Variants in MAGI1 observed in about 807,000 individuals in gnomAD.
MAGI1 encodes the protein membrane associated guanylate kinase, WW and PDZ domain containing 1, also known as membrane-associated guanylate kinase, WW and PDZ domain-containing protein 1.
MAGI1 carries 58 observed loss-of-function variants against 139.9 expected under a neutral mutation model. The observed-to-expected ratio is 0.41, with a 90% CI of 0.34 to 0.52. MAGI1 has a LOEUF of 0.52. MAGI1 is among the 20% of genes least tolerant of loss of function. The pLI is 0.12. For missense variants in MAGI1, 1,874 were observed against 1,901.6 expected (o/e 0.99, Z 0.27); for synonymous variants, 812 against 737.9 (o/e 1.10, Z -1.63).
At chr3:65,473,150 A>G (rs1397508090) in intron 4 of MAGI1, among the ~76,000 whole-genome samples, 2 of 152,194 alleles carry the variant, frequency 1.3e-5, no homozygotes, top group East Asian at 3.9e-4. Flanking sequence ...CAGCAGCAAA[A>G]GTACCTCTAT....
intron 1 of MAGI1, among the ~76,000 whole-genome samples, chr3:65,860,132 G>A (rs1470687364): frequency 1.3e-5 from 2 of 151,950 alleles, no homozygotes; most frequent in Admixed American, 1.3e-4. Flanking sequence ...CCCACCTCAG[G>A]TGATCCACCT....
intron 12 of MAGI1, among the ~76,000 whole-genome samples, chr3:65,413,564 A>G (rs1263826668): frequency 1.3e-5 from 2 of 152,180 alleles, no homozygotes; most frequent in African/African-American, 4.8e-5. Context: ...GAGTATCTGA[A>G]CTGGTCTAAG....
intron 1 of MAGI1, among the ~76,000 whole-genome samples, chr3:65,971,371 C>A (rs1425682664): frequency 6.6e-6 from 1 of 152,088 alleles, no homozygotes; most frequent in African/African-American, 2.4e-5. Context: ...AGAAAACAAA[C>A]CCTGGCACCT....
intron 1 of MAGI1, among the ~76,000 whole-genome samples, chr3:65,941,273 G>C (rs2063301556): frequency 6.6e-6 from 1 of 152,024 alleles, no homozygotes; most frequent in African/African-American, 2.4e-5. Context: ...CTTGAACCCA[G>C]GAGGTGGAGG....
intron 1 of MAGI1, among the ~76,000 whole-genome samples, chr3:66,010,077 C>CAAAAAA (rs60882502): frequency 7.2e-5 from 5 of 69,780 alleles, no homozygotes; most frequent in African/African-American, 2.3e-4. Context: ...CTCTCTGTCT[C>CAAAAAA]AAAAAAAAAA....
intron 3 of MAGI1, among the ~76,000 whole-genome samples, chr3:65,482,846 T>C (rs1366785687): frequency 6.6e-6 from 1 of 152,228 alleles, no homozygotes; most frequent in Non-Finnish European, 1.5e-5. Context: ...AACTGTAAAG[T>C]CTGGTTCCAG....
chr3:65,434,155 C>T (rs1947667768), intron 10 of MAGI1, among the ~76,000 whole-genome samples: 1 of 152,124 alleles, frequency 6.6e-6, no homozygotes, highest in Admixed American at 6.6e-5. Flanking sequence ...CAAATCTGTG[C>T]TCTGCTACTT....
At chr3:65,484,671 T>C (rs1041665973) in intron 3 of MAGI1, among the ~76,000 whole-genome samples, 2 of 152,100 alleles carry the variant, frequency 1.3e-5, no homozygotes, top group Non-Finnish European at 2.9e-5. Context: ...CCTCACTGGT[T>C]GCCTTTCAGC....
At chr3:65,747,117 A>T (rs1037205767) in intron 1 of MAGI1, among the ~76,000 whole-genome samples, 2 of 152,210 alleles carry the variant, frequency 1.3e-5, no homozygotes, top group African/African-American at 4.8e-5. Flanking sequence ...CCTGAGCAAC[A>T]AAGTAAGACC....
At chr3:65,632,284 C>T (rs991875992) in intron 1 of MAGI1, among the ~76,000 whole-genome samples, 2 of 152,080 alleles carry the variant, frequency 1.3e-5, no homozygotes, top group East Asian at 1.9e-4. Context: ...ACTAATTTTT[C>T]CCATTTTAAT....
At chr3:65,540,776 T>C (rs970530136) in intron 2 of MAGI1, among the ~76,000 whole-genome samples, 1 of 152,174 alleles carries the variant, frequency 6.6e-6, no homozygotes, top group Non-Finnish European at 1.5e-5. Context: ...CTTCCTTCAC[T>C]GGTAAGTGCC....
chr3:66,038,251 C>T lies in MAGI1; in HGVS notation c.58G>A (p.Val20Met), dbSNP rs142399417. The T allele has an allele frequency of 3.7e-4, 603 of 1,610,710 alleles. 2 individuals are homozygous for T. The African/African-American group carries it at 6.5e-3, about 17-fold the overall frequency. The change falls in exon 1 of 23, where the codon GTG (valine) becomes ATG (methionine). Residue 20 changes from valine (V) to methionine (M), a missense_variant. Coordinates refer to ENST00000402939, the MANE Select transcript of MAGI1 (RefSeq NM_001033057.2). ...HWTSRVHECTVKRGPQGELGV... is the reference protein window; with the variant it reads ...HWTSRVHECTMKRGPQGELGV... ...AGCTCGCCCTGGGGTCCCCGCTTCA[C>T]GGTGCATTCGTGAACCCTGCTAGTC...
chr3:65,964,252 C>A (rs1020911717), intron 1 of MAGI1, among the ~76,000 whole-genome samples: 8 of 152,194 alleles, frequency 5.3e-5, no homozygotes, highest in Admixed American at 5.2e-4. Flanking sequence ...AATGTTAAGA[C>A]TTGAGAGAAG....
At position 65,906,719 on chromosome 3, in the gene MAGI1, C is replaced by A. The variant is rs529768700; in HGVS notation, c.313+131277G>T. Among the ~76,000 whole-genome samples, 61 of 152,028 alleles carry A rather than the reference C, an allele frequency of 4.0e-4. 1 individual carries two copies. The highest frequency in any genetic ancestry group is 6.8e-3 in the Middle Eastern group (2 of 294). Reference sequence around the variant, plus strand: ...TGACCAACATGGTGAAACCCCATCTCTACTAAAAATACAAAAATTAAGTGG... The same window carrying A: ...TGACCAACATGGTGAAACCCCATCTATACTAAAAATACAAAAATTAAGTGG... On this transcript the variant is annotated intron_variant, in intron 1 of 22. Transcript: ENST00000402939.
chr3:65,404,301 T>C (rs1282054804), intron 12 of MAGI1, among the ~76,000 whole-genome samples: 2 of 152,204 alleles, frequency 1.3e-5, no homozygotes, highest in African/African-American at 4.8e-5. Flanking sequence ...GTCTGAAGGA[T>C]ATGGGGGTAA....
chr3:65,931,172 A>G (rs1423615449), intron 1 of MAGI1, among the ~76,000 whole-genome samples: 2 of 151,972 alleles, frequency 1.3e-5, no homozygotes. Flanking sequence ...AGCTGAGACT[A>G]CAGGAGCGTG....
intron 1 of MAGI1, among the ~76,000 whole-genome samples, chr3:65,830,230 C>T (rs1355581045): frequency 1.3e-5 from 2 of 151,936 alleles, no homozygotes; most frequent in Non-Finnish European, 2.9e-5. Flanking sequence ...CTAATTTCCA[C>T]CTTAAGGATA....
intron 1 of MAGI1, among the ~76,000 whole-genome samples, chr3:65,671,093 C>G (rs6796786): frequency 6.6e-6 from 1 of 151,986 alleles, no homozygotes; most frequent in Non-Finnish European, 1.5e-5. Context: ...TACATTACTC[C>G]TCACCACAAC....
chr3:65,808,473 G>A (rs924873899), intron 1 of MAGI1, among the ~76,000 whole-genome samples: 2 of 151,986 alleles, frequency 1.3e-5, no homozygotes, highest in Non-Finnish European at 2.9e-5. Flanking sequence ...AATCCAGCCT[G>A]GATGACAGAG....
Sources: allele counts gnomAD v4.1 joint callset (sites outside exome capture counted in the v4.1 genomes callset), GRCh38; gene constraint gnomAD v4.1.1; transcripts MANE v1.5; gene names NCBI Gene and HGNC (gene_info 2026-07-23, HGNC 2026-07-21).